FAM220A: variants seen among roughly 807,000 people sequenced by gnomAD.
FAM220A encodes the protein family with sequence similarity 220 member A, also known as protein FAM220A.
For synonymous variants in FAM220A, 141 were observed against 130.7 expected, an observed-to-expected ratio of 1.08 and a Z score of -0.54; for missense variants, 392 against 321.6, an observed-to-expected ratio of 1.22 and a Z score of -1.68.
Position 6,348,844 on chromosome 7 carries a change from G to A in FAM220A, c.-353C>T. 1 of 392,546 alleles carries A rather than the reference G, an allele frequency of 2.5e-6. No individual in the cohort carries two copies. The highest frequency in any genetic ancestry group is 4.5e-6 in the Non-Finnish European group (1 of 222,480). 24.3% of individuals were successfully genotyped at this position (392,546 alleles called of 1,614,324 possible). On this transcript the variant is annotated 5_prime_UTR_variant, in exon 1 of 2. Transcript: ENST00000313324. ...AGCTGACCCTCGCCTGGCGTGCTCA[G>A]GGAGCGAAGGAGGCGGCGGCTAGAC...
chr7:6,338,657 C>G (rs142473446), intron 1 of FAM220A: 9 of 152,310 alleles, frequency 5.9e-5, no homozygotes, highest in African/African-American at 2.2e-4. Flanking sequence ...TCACCTTCCT[C>G]GCAGATCCCT....
At position 6,345,507 on chromosome 7, in the gene FAM220A, A is replaced by G. The variant is rs903700245; in HGVS notation, c.-82+3066T>C. ...TCCAGGCGAGTGGATACAGTAGGGT[A>G]GACTAGAGAGGTGGTTATAAATAGA... On this transcript the variant is annotated intron_variant, in intron 1 of 1. Transcript: ENST00000313324. Among the ~76,000 whole-genome samples, 4 of 152,276 alleles carry G rather than the reference A, an allele frequency of 2.6e-5. No homozygotes were observed. The East Asian group carries it at 7.7e-4, about 29-fold the overall frequency.
intron 1 of FAM220A, among the ~76,000 whole-genome samples, chr7:6,332,529 C>T (rs1228491505): frequency 6.6e-6 from 1 of 152,020 alleles, no homozygotes; most frequent in Non-Finnish European, 1.5e-5. Flanking sequence ...AAAACACCAC[C>T]ACCCTCAGCC....
chr7:6,347,210 G>A (rs551058994), intron 1 of FAM220A, among the ~76,000 whole-genome samples: 2 of 152,130 alleles, frequency 1.3e-5, no homozygotes, highest in African/African-American at 2.4e-5. Context: ...GGAATTCAAG[G>A]GATGTAGAAA....
chr7:6,331,738 CTTTTTTT>C (rs376255551), intron 1 of FAM220A, among the ~76,000 whole-genome samples: 39 of 117,738 alleles, frequency 3.3e-4, no homozygotes, highest in African/African-American at 1.1e-3. Flanking sequence ...ATAATAGAGG[CTTTTTTT>C]TTTTTTTTTT....
At chr7:6,338,640 G>C (rs879235389) in intron 1 of FAM220A, 1 of 152,248 alleles carries the variant, frequency 6.6e-6, no homozygotes, top group Admixed American at 6.6e-5. Context: ...CACCACAACA[G>C]GAGCGGTCAC....
chr7:6,339,397 G>A (rs1262888299), intron 1 of FAM220A, among the ~76,000 whole-genome samples: 2 of 152,248 alleles, frequency 1.3e-5, no homozygotes, highest in African/African-American at 2.4e-5. Flanking sequence ...GAGCCTAGGA[G>A]TTTGAGACCA....
chr7:6,334,528 C>G (rs771556798), intron 1 of FAM220A, among the ~76,000 whole-genome samples: 9 of 152,028 alleles, frequency 5.9e-5, no homozygotes, highest in Non-Finnish European at 1.3e-4. Flanking sequence ...AGTGCAGTGG[C>G]AGGATCACAG....
At chr7:6,345,358 T>TCCCACCTCAGTCCCCCCC (rs1451682453) in intron 1 of FAM220A, among the ~76,000 whole-genome samples, 1 of 151,818 alleles carries the variant, frequency 6.6e-6, no homozygotes, top group African/African-American at 2.4e-5. Flanking sequence ...CAAGTGATCC[T>TCCCACCTCAGTCCCCCCC]CCCACCTCAG....
intron 1 of FAM220A, among the ~76,000 whole-genome samples, chr7:6,335,440 C>G (rs1302836730): frequency 6.6e-6 from 1 of 151,900 alleles, no homozygotes; most frequent in Non-Finnish European, 1.5e-5. Context: ...TGTTGCCAGG[C>G]TGGTCTTGAT....
Position 6,348,321 on chromosome 7 carries a change from CG to C in FAM220A, c.-82+251del, listed in dbSNP as rs368544095. On this transcript the variant is annotated intron_variant, in intron 1 of 1. Coordinates refer to ENST00000313324, the MANE Select transcript of FAM220A (RefSeq NM_001037163.2). ...AACACCTTTCCAGCCCATGCAGTCT[CG>C]GACCCCACCTCCCGAGCTGCGGGAC... Among the ~76,000 whole-genome samples, 333 of 152,184 alleles carry C rather than the reference CG, an allele frequency of 2.2e-3. 1 individual carries two copies. The highest frequency in any genetic ancestry group is 7.4e-3 in the African/African-American group (306 of 41,530).
In FAM220A at chr7:6,348,858, C is replaced by A. The variant is rs949675892; in HGVS notation, c.-367G>T. On this transcript the variant is annotated 5_prime_UTR_variant, in exon 1 of 2. Coordinates refer to ENST00000313324, the MANE Select transcript of FAM220A (RefSeq NM_001037163.2). ...TGGCGTGCTCAGGGAGCGAAGGAGG[C>A]GGCGGCTAGACCGGCGGGCGGGCGG... is the stretch of plus-strand genomic sequence containing the variant. 2 of 389,276 alleles carry A rather than the reference C, an allele frequency of 5.1e-6. No homozygotes were observed. Among genetic ancestry groups the A allele is most frequent in the African/African-American group, 2.1e-5 (1 of 48,098 alleles). The allele number at this position is 389,276 out of a possible 1,614,324, so 24.1% of individuals were successfully genotyped here. A position where few individuals can be genotyped will look rare whatever the true frequency, so the allele number is the denominator to read the frequency against.
chr7:6,339,238 TG>T (rs1250794248), intron 1 of FAM220A, among the ~76,000 whole-genome samples: 1 of 151,812 alleles, frequency 6.6e-6, no homozygotes, highest in Non-Finnish European at 1.5e-5. Context: ...GAGGCCGAGG[TG>T]GGGAGATCAC....
Position 6,330,527 on chromosome 7 carries a change from GTT to G in FAM220A, c.626_627del (p.Lys209ThrfsTer5). The G allele has an allele frequency of 6.2e-7, 1 of 1,614,154 alleles. No individual in the cohort carries two copies. The highest frequency in any genetic ancestry group is 8.5e-7 in the Non-Finnish European group (1 of 1,180,026). On this transcript the variant is annotated frameshift_variant, in exon 2 of 2. Coordinates refer to ENST00000313324, the MANE Select transcript of FAM220A (RefSeq NM_001037163.2). LOFTEE classifies it low-confidence loss of function (END_TRUNC). Reference sequence around the variant, plus strand: ...GGCTTTAAACGGTCAAGGAAAATGCGTTTTGTCTCCTCACTCAGGAGCACTTC... The same window carrying G: ...GGCTTTAAACGGTCAAGGAAAATGCGTTGTCTCCTCACTCAGGAGCACTTC... ...YPEVLLSEET[K>X]RIFLDRLKPM...
At position 6,330,464 on chromosome 7, in the gene FAM220A, G is replaced by C. The variant is rs1170512558; in HGVS notation, c.691C>G (p.Leu231Val). ...SKQTIEFKKM[L>V]KSTSDGLQIT... ...TGCAGACCATCTGAGGTGCTTTTAA[G>C]CATTTTCTTGAATTCTATTGTTTGC... The change falls in exon 2 of 2, where the codon CTT (leucine) becomes GTT (valine). Residue 231 changes from leucine to valine, a missense_variant. Leu to Val is a conservative substitution (Grantham distance 32, BLOSUM62 1). Transcript: ENST00000313324. The C allele has an allele frequency of 6.2e-7, 1 of 1,614,016 alleles. No homozygotes were observed. Among genetic ancestry groups the C allele is most frequent in the African/African-American group, 1.3e-5 (1 of 74,902 alleles).
At chr7:6,338,833 A>AG (rs931802515) in intron 1 of FAM220A, 2 of 152,252 alleles carry the variant, frequency 1.3e-5, no homozygotes, top group African/African-American at 4.8e-5. Context: ...TTTCTGAAAG[A>AG]GGTCTGGCAA....
At chr7:6,336,225 A>G (rs1781743072) in intron 1 of FAM220A, among the ~76,000 whole-genome samples, 1 of 151,640 alleles carries the variant, frequency 6.6e-6, no homozygotes, top group East Asian at 1.9e-4. Context: ...GCACACCTGT[A>G]GTCCCAGTCA....
At chr7:6,345,035 C>T (rs1221891535) in intron 1 of FAM220A, among the ~76,000 whole-genome samples, 5 of 152,014 alleles carry the variant, frequency 3.3e-5, no homozygotes, top group Admixed American at 1.3e-4. Context: ...AATCCCACCA[C>T]GCCCGGCCAC....
intron 1 of FAM220A, among the ~76,000 whole-genome samples, chr7:6,340,471 G>A (rs898170359): frequency 1.3e-5 from 2 of 152,162 alleles, no homozygotes; most frequent in African/African-American, 4.8e-5. Context: ...CATACCTGGA[G>A]TCGGCTGAAG....
Sources: allele counts gnomAD v4.1 joint callset (sites outside exome capture counted in the v4.1 genomes callset), GRCh38; gene constraint gnomAD v4.1.1; transcripts MANE v1.5; gene names NCBI Gene and HGNC (gene_info 2026-07-23, HGNC 2026-07-21).